MARCHF1: variants seen among roughly 807,000 people sequenced by gnomAD.
MARCHF1 encodes the protein membrane associated ring-CH-type finger 1, also known as E3 ubiquitin-protein ligase MARCHF1.
In MARCHF1, 40 loss-of-function variants were observed where a neutral mutation model predicts 54.2. The ratio of observed to expected loss-of-function variants is 0.74; its 90% CI spans 0.57 to 0.96. The LOEUF (loss-of-function observed/expected upper bound fraction) is 0.96. MARCHF1 is among the 40% of genes least tolerant of loss of function. The pLI is 0.00. For synonymous variants in MARCHF1, 236 were observed against 236.3 expected (o/e 1.00, Z 0.01); for missense variants, 586 against 656.5 (o/e 0.89, Z 1.17).
chr4:163,546,743 C>A (rs1273168312), intron 8 of MARCHF1, among the ~76,000 whole-genome samples: 1 of 152,188 alleles, frequency 6.6e-6, no homozygotes. Context: ...AATCACACTC[C>A]TGAGAAAGTT....
At chr4:163,843,127 T>G (rs1332575362) in intron 4 of MARCHF1, among the ~76,000 whole-genome samples, 1 of 152,202 alleles carries the variant, frequency 6.6e-6, no homozygotes, top group Admixed American at 6.6e-5. Context: ...TTTGGTTTTC[T>G]GTTCCTGTGT....
chr4:163,684,111 C>T lies in MARCHF1; in HGVS notation c.162+16702G>A, dbSNP rs150850224. ...AGTTGTATCACCATTTATGACCTTG[C>T]CTTGGGAGCCACCACGTAGTACCTC... On this transcript the variant is annotated intron_variant, in intron 5 of 9. Coordinates refer to ENST00000514618, the MANE Select transcript of MARCHF1 (RefSeq NM_001394959.1). Among the ~76,000 whole-genome samples, 265 of 152,250 alleles carry T rather than the reference C, an allele frequency of 1.7e-3. 1 individual carries two copies. Among genetic ancestry groups the T allele is most frequent in the African/African-American group, 6.2e-3 (258 of 41,538 alleles).
At chr4:164,222,219 A>G (rs1417508102) in intron 1 of MARCHF1, among the ~76,000 whole-genome samples, 3 of 150,228 alleles carry the variant, frequency 2.0e-5, no homozygotes, top group Non-Finnish European at 4.4e-5. Context: ...CCACCTGTCA[A>G]CACCTTTTTT....
At chr4:163,793,483 G>A (rs1236184842) in intron 4 of MARCHF1, among the ~76,000 whole-genome samples, 1 of 152,124 alleles carries the variant, frequency 6.6e-6, no homozygotes, top group Non-Finnish European at 1.5e-5. Flanking sequence ...TGGCTTCAAA[G>A]ATAAATTACA....
intron 4 of MARCHF1, among the ~76,000 whole-genome samples, chr4:163,793,984 C>G (rs184290296): frequency 1.3e-5 from 2 of 152,244 alleles, no homozygotes; most frequent in Admixed American, 1.3e-4. Flanking sequence ...GGGGTTTTGT[C>G]TGAGGCTTGT....
chr4:164,169,681 A>C (rs993963729), intron 1 of MARCHF1, among the ~76,000 whole-genome samples: 1 of 152,114 alleles, frequency 6.6e-6, no homozygotes, highest in Non-Finnish European at 1.5e-5. Flanking sequence ...CAACATATTA[A>C]AAGCTCTCTA....
intron 1 of MARCHF1, among the ~76,000 whole-genome samples, chr4:164,127,955 CATAAT>C (rs1352444383): frequency 2.0e-5 from 3 of 152,028 alleles, no homozygotes; most frequent in Non-Finnish European, 2.9e-5. Flanking sequence ...AACAGTAAAA[CATAAT>C]ATAATGCCTC....
chr4:163,756,269 A>G (rs1166534313), intron 4 of MARCHF1, among the ~76,000 whole-genome samples: 1 of 152,054 alleles, frequency 6.6e-6, no homozygotes, highest in Non-Finnish European at 1.5e-5. Context: ...TTTAATTCTT[A>G]CTCCAGGGCA....
chr4:164,266,100 A>ATCCATTTATC (rs1733604508), intron 1 of MARCHF1, among the ~76,000 whole-genome samples: 1 of 152,182 alleles, frequency 6.6e-6, no homozygotes, highest in Non-Finnish European at 1.5e-5. Context: ...AAATAAATGA[A>ATCCATTTATC]CAAGTGAATA....
intron 4 of MARCHF1, among the ~76,000 whole-genome samples, chr4:163,745,043 C>T (rs190837938): frequency 1.2e-4 from 19 of 152,070 alleles, no homozygotes; most frequent in East Asian, 1.2e-3. Flanking sequence ...AGCAATCTCA[C>T]GCCAGAAGTG....
At chr4:164,228,498 T>C (rs1732319444) in intron 1 of MARCHF1, among the ~76,000 whole-genome samples, 1 of 152,136 alleles carries the variant, frequency 6.6e-6, no homozygotes, top group African/African-American at 2.4e-5. Flanking sequence ...ACCATGGAGG[T>C]TCCTCCAAAA....
At chr4:164,063,991 G>A (rs1754674802) in intron 2 of MARCHF1, among the ~76,000 whole-genome samples, 1 of 152,140 alleles carries the variant, frequency 6.6e-6, no homozygotes, top group South Asian at 2.1e-4. Flanking sequence ...TCTTATTCAT[G>A]AGTTCTCTGT....
intron 1 of MARCHF1, among the ~76,000 whole-genome samples, chr4:164,314,634 T>G (rs954956567): frequency 1.3e-5 from 2 of 152,160 alleles, no homozygotes; most frequent in Admixed American, 1.3e-4. Context: ...TGTTAGAAAA[T>G]TTACCATATC....
chr4:163,547,378 A>G (rs549137995), intron 8 of MARCHF1, among the ~76,000 whole-genome samples: 11 of 152,312 alleles, frequency 7.2e-5, no homozygotes, highest in Non-Finnish European at 1.3e-4. Context: ...GTGTACATTG[A>G]TTATTTTCCA....
chr4:164,359,379 T>A lies in MARCHF1; in HGVS notation c.-323+24491A>T, dbSNP rs1038639692. On this transcript the variant is annotated intron_variant, in intron 1 of 9. Transcript: ENST00000514618. ...TTCAGCAGATCTGTCTGAAGTGAGATCCTTCCATCAAGCTACTATTTCTGC... is the reference window on the plus strand; with the variant it reads ...TTCAGCAGATCTGTCTGAAGTGAGAACCTTCCATCAAGCTACTATTTCTGC... Among the ~76,000 whole-genome samples, 3 of 152,324 alleles carry A rather than the reference T, an allele frequency of 2.0e-5. No individual in the cohort carries two copies. In the East Asian group the frequency reaches 5.8e-4, roughly 29 times the overall value.
intron 1 of MARCHF1, among the ~76,000 whole-genome samples, chr4:164,148,813 C>T (rs200585019): frequency 7.0e-6 from 1 of 142,584 alleles, no homozygotes; most frequent in Non-Finnish European, 1.5e-5. Context: ...CTGCCTTCAA[C>T]CACCCATAAC....
intron 5 of MARCHF1, among the ~76,000 whole-genome samples, chr4:163,686,752 A>T (rs774819749): frequency 2.4e-4 from 36 of 152,114 alleles, no homozygotes; most frequent in Non-Finnish European, 5.1e-4. Flanking sequence ...CATAAGAAAA[A>T]TGTTCTTTTA....
At chr4:164,114,757 G>A (rs1280981803) in intron 1 of MARCHF1, among the ~76,000 whole-genome samples, 1 of 150,278 alleles carries the variant, frequency 6.7e-6, no homozygotes, top group Non-Finnish European at 1.5e-5. Flanking sequence ...ACAATACAAT[G>A]TTTGGAACAT....
At chr4:164,052,978 A>T (rs1754405752) in intron 2 of MARCHF1, among the ~76,000 whole-genome samples, 1 of 152,176 alleles carries the variant, frequency 6.6e-6, no homozygotes, top group Non-Finnish European at 1.5e-5. Flanking sequence ...TAACTGTCTC[A>T]TATAATTTCT....
Sources: gnomAD v4.1 joint callset for allele counts (sites outside exome capture counted in the v4.1 genomes callset) on GRCh38, gnomAD v4.1.1 for gene constraint, MANE v1.5 for transcripts, NCBI Gene and HGNC (gene_info 2026-07-23, HGNC 2026-07-21) for gene names.